Variants in NT5C1B observed in about 807,000 individuals in gnomAD.
The protein encoded by NT5C1B is 5'-nucleotidase, cytosolic IB, also known as cytosolic 5'-nucleotidase 1B.
Under a neutral mutation model 57.8 loss-of-function variants are expected in NT5C1B, and 44 were observed. The ratio of observed to expected loss-of-function variants is 0.76; its 90% CI spans 0.60 to 0.98. NT5C1B has a LOEUF of 0.98. Among genes scored for constraint, NT5C1B ranks in the 50% least tolerant of loss-of-function variants. NT5C1B has a pLI of 0.00. For synonymous variants in NT5C1B, 284 were observed against 282.6 expected, an observed-to-expected ratio of 1.00 and a Z score of -0.05; for missense variants, 742 against 719.5, an observed-to-expected ratio of 1.03 and a Z score of -0.36.
In NT5C1B at chr2:18,578,496, A is replaced by T. The variant is rs529075586; in HGVS notation, c.1022-1601T>A. 3.9e-5 allele frequency among the ~76,000 whole-genome samples: 6 copies of T among 152,238 alleles called. No individual in the cohort carries two copies. In the East Asian group the frequency reaches 9.6e-4, roughly 24 times the overall value. On this transcript the variant is annotated intron_variant, in intron 6 of 8. Coordinates refer to ENST00000304081, the Ensembl canonical transcript of NT5C1B. ...AATCAATAAATGTGATTCATCAAAT[A>T]AAAGTAAAAAGAACTAAAAGTTCTT...
intron 6 of NT5C1B, among the ~76,000 whole-genome samples, chr2:18,581,597 A>AT (rs955585010): frequency 2.0e-5 from 3 of 151,892 alleles, no homozygotes; most frequent in African/African-American, 7.3e-5. Context: ...AAATGCTCTC[A>AT]TTTTTTCACT....
At chr2:18,570,284 AT>A (rs1470457246) in intron 8 of NT5C1B, among the ~76,000 whole-genome samples, 1 of 152,070 alleles carries the variant, frequency 6.6e-6, no homozygotes, top group Non-Finnish European at 1.5e-5. Context: ...CAGCTTCCAC[AT>A]TTGAAAACTT....
intron 6 of NT5C1B, among the ~76,000 whole-genome samples, chr2:18,580,773 A>T (rs1394201562): frequency 2.6e-5 from 4 of 152,202 alleles, no homozygotes; most frequent in Non-Finnish European, 1.5e-5. Context: ...AAAGAATGAG[A>T]TCATCTTTTT....
intron 8 of NT5C1B, among the ~76,000 whole-genome samples, chr2:18,575,384 A>C (rs759294535): frequency 1.3e-4 from 20 of 152,124 alleles, no homozygotes; most frequent in Non-Finnish European, 1.8e-4. Flanking sequence ...TTCAACTTTC[A>C]ATTAGTCTAT....
chr2:18,571,611 TA>T (rs1031839774), intron 8 of NT5C1B, among the ~76,000 whole-genome samples: 5 of 150,488 alleles, frequency 3.3e-5, no homozygotes, highest in African/African-American at 1.2e-4. Context: ...AAAATAAAAA[TA>T]AAAAATTCTT....
exon 1 of NT5C1B, chr2:18,589,518 C>T (rs1361956412): frequency 1.2e-6 from 2 of 1,613,516 alleles, no homozygotes; most frequent in South Asian, 1.1e-5. Context: ...TTTGTCTCCC[C>T]AGCTCCATTT....
At chr2:18,564,268 A>T (rs1197926957) in intron 8 of NT5C1B, 149 bp from the exon 9 acceptor site, 2 of 906,070 alleles carry the variant, frequency 2.2e-6, no homozygotes, top group Non-Finnish European at 3.0e-6. Flanking sequence ...AAATGCTAAA[A>T]CTTGATAGGA....
At chr2:18,564,638 A>C (rs1664477756) in intron 8 of NT5C1B, among the ~76,000 whole-genome samples, 1 of 152,138 alleles carries the variant, frequency 6.6e-6, no homozygotes, top group Admixed American at 6.5e-5. Context: ...TCTTGTACAG[A>C]GCCTAGAATT....
intron 3 of NT5C1B, among the ~76,000 whole-genome samples, chr2:18,585,764 G>C (rs942041022): frequency 6.6e-6 from 1 of 152,194 alleles, no homozygotes; most frequent in African/African-American, 2.4e-5. Context: ...AATTAGGTAG[G>C]AATGCATGCT....
intron 3 of NT5C1B, 166 bp from the exon 4 acceptor site, chr2:18,585,144 T>C: frequency 1.1e-6 from 1 of 910,272 alleles, no homozygotes; most frequent in Non-Finnish European, 1.8e-6. Flanking sequence ...CCTCAGCTGT[T>C]TGATATTTCT....
At position 18,577,647 on chromosome 2, in the gene NT5C1B, T is replaced by C. The variant is rs146256915; in HGVS notation, c.1022-752A>G. On this transcript the variant is annotated intron_variant, in intron 6 of 8. Transcript: ENST00000304081. ...GAGTTTATAGCACGAAACACCTTCA[T>C]TGAAAGTTAGAAAGATCACAAATTA... Among the ~76,000 whole-genome samples, 26 of 151,694 alleles carry C rather than the reference T, an allele frequency of 1.7e-4. No homozygotes were observed. The East Asian group carries it at 3.5e-3, about 20-fold the overall frequency.
intron 3 of NT5C1B, among the ~76,000 whole-genome samples, chr2:18,585,957 A>T (rs538323468): frequency 6.6e-6 from 1 of 152,214 alleles, no homozygotes; most frequent in East Asian, 1.9e-4. Context: ...ACAGTTAATT[A>T]CTATTTGTTG....
chr2:18,589,212 GT>G (rs1666984110), intron 1 of NT5C1B, among the ~76,000 whole-genome samples: 1 of 152,120 alleles, frequency 6.6e-6, no homozygotes, highest in Non-Finnish European at 1.5e-5. Flanking sequence ...TATACTACAC[GT>G]TTTTTAATCT....
chr2:18,581,370 C>T (rs949985144), intron 6 of NT5C1B, among the ~76,000 whole-genome samples: 2 of 151,782 alleles, frequency 1.3e-5, no homozygotes, highest in African/African-American at 4.8e-5. Context: ...AAAAGCAAAA[C>T]ATGTTCAACA....
chr2:18,581,663 AT>A (rs1483392272), intron 6 of NT5C1B, among the ~76,000 whole-genome samples: 3 of 152,176 alleles, frequency 2.0e-5, no homozygotes, highest in Admixed American at 2.0e-4. Flanking sequence ...TCCCTAAATC[AT>A]ATGAATTTCA....
At chr2:18,576,941 A>C in intron 6 of NT5C1B, 46 bp from the exon 7 acceptor site, 9 of 1,607,638 alleles carry the variant, frequency 5.6e-6, no homozygotes, top group Non-Finnish European at 7.6e-6. Context: ...GATTAAAGAC[A>C]AAATGCCGTA....
At chr2:18,587,728 TAG>T in intron 1 of NT5C1B, 136 bp from the exon 2 acceptor site, 9 of 883,780 alleles carry the variant, frequency 1.0e-5, no homozygotes, top group African/African-American at 1.7e-5. Flanking sequence ...CTCTAGACCT[TAG>T]TTTCCCCTGT....
At chr2:18,583,678 C>G (rs1330980802) in intron 5 of NT5C1B, 2 of 368,786 alleles carry the variant, frequency 5.4e-6, no homozygotes, top group Admixed American at 3.7e-5. Context: ...TCCTAAGTGC[C>G]AAGGGCATCT....
chr2:18,577,123 A>C (rs1258283906), intron 6 of NT5C1B, among the ~76,000 whole-genome samples: 1 of 152,178 alleles, frequency 6.6e-6, no homozygotes, highest in Non-Finnish European at 1.5e-5. Flanking sequence ...TATTTGGTAC[A>C]TTACAGTTTA....
Sources: allele counts gnomAD v4.1 joint callset (sites outside exome capture counted in the v4.1 genomes callset), GRCh38; gene constraint gnomAD v4.1.1; transcripts MANE v1.5; gene names NCBI Gene and HGNC (gene_info 2026-07-23, HGNC 2026-07-21).